Variants in LRBA observed in about 807,000 individuals in gnomAD.
LRBA encodes lipopolysaccharide-responsive and beige-like anchor protein.
In LRBA, 176 loss-of-function variants were observed where a neutral mutation model predicts 330.0. That is an observed-to-expected ratio of 0.53 (90% CI 0.47 to 0.60). LRBA has a LOEUF of 0.60. LRBA is among the 20% of genes least tolerant of loss of function. The pLI is 0.00. For missense variants in LRBA, 3,259 were observed against 3,444.8 expected (o/e 0.95, Z 1.35); for synonymous variants, 1,230 against 1,193.0 (o/e 1.03, Z -0.64).
At chr4:150,957,276 G>T (rs1737637871) in intron 2 of LRBA, among the ~76,000 whole-genome samples, 1 of 148,524 alleles carries the variant, frequency 6.7e-6, no homozygotes, top group Non-Finnish European at 1.5e-5. Flanking sequence ...AACTGGGGAG[G>T]CCTCACAATC....
intron 47 of LRBA, among the ~76,000 whole-genome samples, chr4:150,380,982 CAAAAAAAAAAAA>C (rs58528401): frequency 1.6e-5 from 1 of 61,008 alleles, no homozygotes; most frequent in South Asian, 6.4e-4. Context: ...AACTCCATCT[CAAAAAAAAAAAA>C]AAAAAAAAAA....
rs184713022 is a variant in LRBA at position 150,337,449 on chromosome 4, T to A, written c.7363-11551A>T. 9.2e-5 allele frequency among the ~76,000 whole-genome samples: 14 copies of A among 152,322 alleles called. No homozygotes were observed. In the East Asian group the frequency reaches 2.7e-3, roughly 29 times the overall value. On this transcript the variant is annotated intron_variant, in intron 48 of 56. Coordinates refer to ENST00000651943, the MANE Select transcript of LRBA (RefSeq NM_001364905.1). The stretch of plus-strand genomic sequence containing the variant: ...ACAAAGAGTAGCTTTACTGACAACT[T>A]TGATGCTCATTTAATTGAATAAGGG...
intron 36 of LRBA, among the ~76,000 whole-genome samples, chr4:150,693,601 A>G (rs530601480): frequency 9.3e-5 from 14 of 151,020 alleles, no homozygotes; most frequent in African/African-American, 3.1e-4. Flanking sequence ...GCAAGAAATT[A>G]CAGTGCTAAA....
chr4:150,392,659 T>C (rs11726346), intron 47 of LRBA, among the ~76,000 whole-genome samples: 33,111 of 151,966 alleles, frequency 0.22, 4,427 homozygotes, highest in Non-Finnish European at 0.31. Context: ...ATGCTTGTGA[T>C]TTTTGCACAT....
Position 150,280,468 on chromosome 4 carries a change from A to T in LRBA, c.8316+1982T>A, listed in dbSNP as rs1410704564. ...GTTCTCCCTTGTTTAGGACAAAATA[A>T]CTTTGCTGCTCTGTACAGGCTGCCT... On this transcript the variant is annotated intron_variant, in intron 55 of 56. Transcript: ENST00000651943. 8.5e-5 allele frequency among the ~76,000 whole-genome samples: 13 copies of T among 152,322 alleles called. No homozygotes were observed. The East Asian group carries it at 2.5e-3, about 29-fold the overall frequency.
intron 56 of LRBA, among the ~76,000 whole-genome samples, chr4:150,277,354 G>A (rs1746917138): frequency 6.6e-6 from 1 of 152,010 alleles, no homozygotes; most frequent in Non-Finnish European, 1.5e-5. Flanking sequence ...AGACCACCAT[G>A]GCACATGTAT....
At chr4:151,003,072 G>GTGTGTA (rs1491097875) in intron 2 of LRBA, among the ~76,000 whole-genome samples, 1 of 137,908 alleles carries the variant, frequency 7.3e-6, no homozygotes, top group African/African-American at 2.6e-5. Context: ...GTGTGTGTGT[G>GTGTGTA]TACCAACATC....
In LRBA at chr4:150,904,989, C is replaced by T. The variant is rs568431561; in HGVS notation, c.1755+849G>A. On this transcript the variant is annotated intron_variant, in intron 13 of 56. Coordinates refer to ENST00000651943, the MANE Select transcript of LRBA (RefSeq NM_001364905.1). Reference sequence around the variant, plus strand: ...GAGGAAAACTGGGCTTGAAATAACACGACTTCTAACAAAAATTGTAGATAA... The same window carrying T: ...GAGGAAAACTGGGCTTGAAATAACATGACTTCTAACAAAAATTGTAGATAA... 4.8e-4 allele frequency among the ~76,000 whole-genome samples: 73 copies of T among 152,120 alleles called. No individual in the cohort carries two copies. The South Asian group carries it at 0.012, about 25-fold the overall frequency.
intron 35 of LRBA, among the ~76,000 whole-genome samples, chr4:150,750,778 T>C (rs1385611159): frequency 2.0e-5 from 3 of 152,032 alleles, no homozygotes; most frequent in African/African-American, 7.3e-5. Flanking sequence ...AGGTACGGCA[T>C]ATATTATACT....
At chr4:150,556,257 T>C (rs976691075) in intron 40 of LRBA, among the ~76,000 whole-genome samples, 2 of 152,228 alleles carry the variant, frequency 1.3e-5, no homozygotes, top group Non-Finnish European at 2.9e-5. Flanking sequence ...GTTCTAAATA[T>C]TCAAAAAACT....
rs184992618 is a variant in LRBA at position 150,878,908 on chromosome 4, T to C, written c.2166-6153A>G. On this transcript the variant is annotated intron_variant, in intron 17 of 56. Transcript: ENST00000651943. ...ACCTACTAACCAAAAAAATCCTAGA[T>C]GAGGTAAATTCACTGCCAAATTCTA... Among the ~76,000 whole-genome samples, 41 of 149,794 alleles carry C rather than the reference T, an allele frequency of 2.7e-4. 1 individual carries two copies. Among genetic ancestry groups the C allele is most frequent in the Admixed American group, 1.4e-3 (21 of 14,992 alleles).
At chr4:150,857,063 C>T (rs1751312518) in intron 22 of LRBA, among the ~76,000 whole-genome samples, 1 of 152,122 alleles carries the variant, frequency 6.6e-6, no homozygotes, top group African/African-American at 2.4e-5. Context: ...TGTTTAGCAA[C>T]TGACTTTGTT....
At chr4:150,639,385 C>T (rs866706335) in intron 37 of LRBA, among the ~76,000 whole-genome samples, 19 of 124,854 alleles carry the variant, frequency 1.5e-4, no homozygotes, top group African/African-American at 5.1e-4. Context: ...AAAAAAAAAA[C>T]AAAGAAAAAA....
intron 44 of LRBA, among the ~76,000 whole-genome samples, chr4:150,443,637 A>T (rs1752131783): frequency 6.6e-6 from 1 of 151,926 alleles, no homozygotes; most frequent in African/African-American, 2.4e-5. Context: ...CATAGGTGGG[A>T]ACCGAACAAT....
At chr4:150,747,002 G>A (rs1057129687) in intron 35 of LRBA, among the ~76,000 whole-genome samples, 8 of 152,048 alleles carry the variant, frequency 5.3e-5, no homozygotes, top group Admixed American at 2.0e-4. Flanking sequence ...TGTTGACAAG[G>A]TATCAGCCGT....
intron 47 of LRBA, among the ~76,000 whole-genome samples, chr4:150,380,804 C>T (rs1392413333): frequency 1.5e-5 from 2 of 131,492 alleles, no homozygotes; most frequent in South Asian, 2.5e-4. Flanking sequence ...GGTGAAACCC[C>T]GTCTCTACTA....
At chr4:150,882,197 C>G (rs2127052147) in intron 17 of LRBA, among the ~76,000 whole-genome samples, 1 of 152,116 alleles carries the variant, frequency 6.6e-6, no homozygotes, top group Non-Finnish European at 1.5e-5. Flanking sequence ...TCAAAAGAAC[C>G]TGAAATTATT....
chr4:150,453,194 GA>G (rs1243643153), intron 44 of LRBA, among the ~76,000 whole-genome samples: 2 of 151,766 alleles, frequency 1.3e-5, no homozygotes, highest in Non-Finnish European at 2.9e-5. Flanking sequence ...AAATTAACAG[GA>G]AGCAAAAAGC....
intron 35 of LRBA, among the ~76,000 whole-genome samples, chr4:150,754,028 C>T (rs1045977031): frequency 6.6e-6 from 1 of 150,856 alleles, no homozygotes; most frequent in Non-Finnish European, 1.5e-5. Context: ...GATATTGCTA[C>T]TGCACTCCAG....
Sources: gnomAD v4.1 joint callset for allele counts (sites outside exome capture counted in the v4.1 genomes callset) on GRCh38, gnomAD v4.1.1 for gene constraint, MANE v1.5 for transcripts, NCBI Gene and HGNC (gene_info 2026-07-23, HGNC 2026-07-21) for gene names.